The following FANCM variants were observed in gnomAD, a reference collection of about 807,000 sequenced individuals.
The protein encoded by FANCM is Fanconi anemia group M protein.
FANCM carries 140 observed loss-of-function variants against 199.5 expected under a neutral mutation model. The ratio of observed to expected loss-of-function variants is 0.70; its 90% CI spans 0.61 to 0.81. The LOEUF is 0.81. FANCM is among the 30% of genes least tolerant of loss of function. FANCM has a pLI of 0.00. For synonymous variants in FANCM, 840 were observed against 836.8 expected, an observed-to-expected ratio of 1.00 and a Z score of -0.07; for missense variants, 2,410 against 2,421.4, an observed-to-expected ratio of 1.00 and a Z score of 0.10.
At chr14:45,153,824 A>G (rs1433483209) in intron 5 of FANCM, 96 bp from the exon 6 acceptor site, 4 of 930,306 alleles carry the variant, frequency 4.3e-6, no homozygotes, top group Admixed American at 1.7e-5. Context: ...GGATTATATT[A>G]TAAATGTTAC....
rs1885499000 is a variant in FANCM, at chr14:45,136,328, C to T, written c.297C>T (p.Ser99=). 6.2e-7 allele frequency: 1 copy of T among 1,614,166 alleles called. No homozygotes were observed. Among genetic ancestry groups the T allele is most frequent in the Non-Finnish European group, 8.5e-7 (1 of 1,180,034 alleles). ...CPVRDYQLHI[S]RAALFCNTLV... ...TGCGGGACTACCAGCTGCACATTTC[C>T]CGGGCTGCTCTGTTTTGCAATACGC... The change falls in exon 1 of 23, where the codon TCC becomes TCT. Residue 99 remains serine, a synonymous_variant. Transcript: ENST00000267430.
chr14:45,160,581 G>A (rs2139191858), intron 9 of FANCM, among the ~76,000 whole-genome samples: 1 of 149,206 alleles, frequency 6.7e-6, no homozygotes, highest in South Asian at 2.1e-4. Flanking sequence ...GTCTCGCTCT[G>A]TTGCCGAGGC....
rs754592572 is a variant in FANCM at position 45,154,024 on chromosome 14, C to T, written c.1155C>T (p.Phe385=). 2.6e-6 allele frequency: 4 copies of T among 1,566,958 alleles called. No individual in the cohort carries two copies. In the African/African-American group the frequency reaches 5.4e-5, roughly 21 times the overall value. ...TGGGAATGAGATCATTATATTTCTT[C>T]CTTTGTGGAATTATGGATGGAACTA... is the stretch of plus-strand genomic sequence containing the variant. ...QQMGMRSLYF[F]LCGIMDGTKG... is the part of the protein sequence containing the mutation. The change falls in exon 6 of 23, where the codon TTC becomes TTT. Residue 385 remains phenylalanine, a synonymous_variant. Coordinates refer to ENST00000267430, the MANE Select transcript of FANCM (RefSeq NM_020937.4).
intron 3 of FANCM, among the ~76,000 whole-genome samples, chr14:45,143,574 A>G (rs1028256134): frequency 1.3e-5 from 2 of 151,854 alleles, no homozygotes; most frequent in African/African-American, 4.9e-5. Flanking sequence ...AATCAACAGT[A>G]TGTCTGGGAA....
rs184770388 is a variant in FANCM at position 45,175,509 on chromosome 14, G to A, written c.2755G>A (p.Glu919Lys). 21 of 1,612,758 alleles carry A rather than the reference G, an allele frequency of 1.3e-5. No individual in the cohort carries two copies. In the Admixed American group the frequency reaches 3.3e-4, roughly 26 times the overall value. ...TACTATTAATGAAAATGTTATTAAA[G>A]AACCGTGTGTGTTATTAACAGAGTG... Reference protein sequence around the residue: ...TCTINENVIKEPCVLLTECQF... With the variant: ...TCTINENVIKKPCVLLTECQF... Residue 919 changes from glutamate (E) to lysine (K), a missense_variant, in exon 14 of 23, where the codon GAA becomes AAA. Transcript: ENST00000267430.
intron 2 of FANCM, among the ~76,000 whole-genome samples, chr14:45,138,843 C>T (rs1885713012): frequency 6.6e-6 from 1 of 152,116 alleles, no homozygotes; most frequent in African/African-American, 2.4e-5. Flanking sequence ...CCAATAGGTA[C>T]ACCTGCTCCA....
chr14:45,187,402 G>A (rs1382516222), intron 18 of FANCM, among the ~76,000 whole-genome samples: 4 of 151,576 alleles, frequency 2.6e-5, no homozygotes, highest in Admixed American at 2.6e-4. Context: ...AATGTTTTTA[G>A]TGCATATTTG....
chr14:45,195,825 C>T (rs1890024047), intron 20 of FANCM, among the ~76,000 whole-genome samples: 2 of 152,128 alleles, frequency 1.3e-5, no homozygotes, highest in Non-Finnish European at 2.9e-5. Flanking sequence ...TCATGATGAA[C>T]TCTAATCTGC....
intron 21 of FANCM, among the ~76,000 whole-genome samples, chr14:45,197,531 C>T (rs1447298939): frequency 6.7e-6 from 1 of 150,360 alleles, no homozygotes; most frequent in Non-Finnish European, 1.5e-5. Context: ...GTGGCATGAT[C>T]TCGGCTCACT....
chr14:45,185,175 T>C (rs1368841903), intron 17 of FANCM, 42 bp from the exon 18 acceptor site: 6 of 1,288,174 alleles, frequency 4.7e-6, no homozygotes, highest in Non-Finnish European at 6.7e-6. Flanking sequence ...GAAAATTATT[T>C]TCTCACTGAT....
chr14:45,180,547 A>G (rs528039040), intron 14 of FANCM, among the ~76,000 whole-genome samples: 16 of 152,152 alleles, frequency 1.1e-4, no homozygotes, highest in African/African-American at 3.9e-4. Context: ...CTTGGGCTCA[A>G]GCAATCCTCC....
intron 10 of FANCM, among the ~76,000 whole-genome samples, chr14:45,165,916 G>A (rs950656136): frequency 6.6e-5 from 10 of 152,088 alleles, no homozygotes; most frequent in African/African-American, 2.4e-4. Context: ...AGGGAGTAAC[G>A]CTTTTGTTGT....
rs758727386 is a variant in FANCM, at chr14:45,154,828, GT to G, written c.1309+11del. On this transcript the variant is annotated splice_region_variant and intron_variant, in intron 7 of 22. Coordinates refer to ENST00000267430, the MANE Select transcript of FANCM (RefSeq NM_020937.4). The stretch of plus-strand genomic sequence containing the variant: ...TATTTCTGCTATCCAACAAGGTCTG[GT>G]TTTTCTTTTAAAATTATGTATTGTG... The G allele has an allele frequency of 4.4e-6, 7 of 1,606,680 alleles. No individual in the cohort carries two copies. The South Asian group carries it at 7.8e-5, about 18-fold the overall frequency.
Position 45,167,270 on chromosome 14 carries a change from T to C in FANCM, c.2002+107T>C, listed in dbSNP as rs1022013416. ...TTGAAAAACTGAATATATGTTCTAATTAATATATTATAGGCATTCTCTTTG... is the reference window on the plus strand; with the variant it reads ...TTGAAAAACTGAATATATGTTCTAACTAATATATTATAGGCATTCTCTTTG... On this transcript the variant is annotated intron_variant, in intron 11 of 22. Transcript: ENST00000267430. The C allele has an allele frequency of 9.1e-5, 67 of 732,752 alleles. 3 individuals are homozygous for C. Among genetic ancestry groups the C allele is most frequent in the South Asian group, 9.1e-4 (61 of 67,132 alleles). The allele number at this position is 732,752 out of a possible 1,614,324, so 45.4% of individuals were successfully genotyped here.
At chr14:45,155,524 G>T in intron 8 of FANCM, 65 bp downstream of exon 8, 1 of 865,680 alleles carries the variant, frequency 1.2e-6, no homozygotes. Flanking sequence ...CTTTACTTAT[G>T]GCTGGGTGCA....
rs1200237494 is a variant in FANCM, at chr14:45,170,600, A to T, written c.2014A>T (p.Ser672Cys). ...TTTTCAACTTATAGGAATGAGGCAA[A>T]GTAGCCTAAAGAAAGATTGGTTCTT... Reference protein sequence around the residue: ...IFSYRDGMRQSSLKKDWFLSE... With the variant: ...IFSYRDGMRQCSLKKDWFLSE... Residue 672 changes from serine (S) to cysteine (C), a missense_variant, in exon 12 of 23, where the codon AGT becomes TGT. Physicochemically the swap from Ser to Cys is moderately radical, Grantham distance 112 (BLOSUM62 -1). Transcript: ENST00000267430. The T allele has an allele frequency of 6.3e-7, 1 of 1,599,162 alleles. No homozygotes were observed.
chr14:45,169,528 T>A (rs975335983), intron 11 of FANCM, among the ~76,000 whole-genome samples: 2 of 152,070 alleles, frequency 1.3e-5, no homozygotes, highest in Non-Finnish European at 2.9e-5. Context: ...GCCTCCTGTG[T>A]GGCTAGGACT....
At chr14:45,171,663 T>G (rs1888347726) in intron 12 of FANCM, among the ~76,000 whole-genome samples, 1 of 151,152 alleles carries the variant, frequency 6.6e-6, no homozygotes, top group Non-Finnish European at 1.5e-5. Flanking sequence ...ATTTCATTCT[T>G]TTTTTTATGG....
At chr14:45,192,130 T>C (rs1889802752) in intron 20 of FANCM, among the ~76,000 whole-genome samples, 1 of 152,198 alleles carries the variant, frequency 6.6e-6, no homozygotes, top group African/African-American at 2.4e-5. Flanking sequence ...AGATAGAAAG[T>C]CCATCTTAAG....
Sources: allele counts gnomAD v4.1 joint callset (sites outside exome capture counted in the v4.1 genomes callset), GRCh38; gene constraint gnomAD v4.1.1; transcripts MANE v1.5; gene names NCBI Gene and HGNC (gene_info 2026-07-23, HGNC 2026-07-21).